TCEA2: variants seen among roughly 807,000 people sequenced by gnomAD.
TCEA2 encodes the protein transcription elongation factor A2.
TCEA2 carries 21 observed loss-of-function variants against 40.8 expected under a neutral mutation model. The ratio of observed to expected loss-of-function variants is 0.51; its 90% CI spans 0.36 to 0.74. The LOEUF (loss-of-function observed/expected upper bound fraction) is 0.74, where lower values mean the gene tolerates loss of function less well. TCEA2 is among the 30% of genes least tolerant of loss of function. TCEA2 has a pLI of 0.00. For synonymous variants in TCEA2, 165 were observed against 162.7 expected (o/e 1.01, Z -0.11); for missense variants, 326 against 426.5 (o/e 0.76, Z 2.08).
At chr20:64,068,000 C>A in intron 3 of TCEA2, 47 bp from the exon 4 acceptor site, 1 of 1,468,778 alleles carries the variant, frequency 6.8e-7, no homozygotes. Context: ...TGTGCCCCTC[C>A]CTCCTCTGCC....
At chr20:64,067,589 C>T (rs2059726082) in intron 3 of TCEA2, among the ~76,000 whole-genome samples, 1 of 152,180 alleles carries the variant, frequency 6.6e-6, no homozygotes, top group Admixed American at 6.5e-5. Flanking sequence ...GCTCTGTCCA[C>T]ACCCTTGTGA....
chr20:64,066,472 C>T lies in TCEA2; in HGVS notation c.73-4C>T. 1.9e-6 allele frequency: 3 copies of T among 1,613,794 alleles called. No individual in the cohort carries two copies. Among genetic ancestry groups the T allele is most frequent in the Non-Finnish European group, 2.5e-6 (3 of 1,179,808 alleles). ...CTTTATGAAGGTCCTCCTTCTCCTT[C>T]CAGGAGGGAGCCATGGATTTGCTGC... On this transcript the variant is annotated splice_region_variant and splice_polypyrimidine_tract_variant and intron_variant, in intron 1 of 9. Coordinates refer to ENST00000343484, the MANE Select transcript of TCEA2 (RefSeq NM_003195.6).
In TCEA2 at chr20:64,070,645, C is replaced by T. The variant is rs113315914; in HGVS notation, c.819+10C>T. ...CTGCACCTACACACAGGTGAGCGGC[C>T]GCTGGGCACCCTCCCCCGGGCCCGG... On this transcript the variant is annotated intron_variant, in intron 8 of 9. Coordinates refer to ENST00000343484, the MANE Select transcript of TCEA2 (RefSeq NM_003195.6). 3,111 of 1,549,474 alleles carry T rather than the reference C, an allele frequency of 2.0e-3. 45 individuals carry two copies. The African/African-American group carries it at 0.032, about 16-fold the overall frequency.
At chr20:64,070,448 C>G (rs1429862238) in intron 7 of TCEA2, 34 bp downstream of exon 7, 15 of 1,613,672 alleles carry the variant, frequency 9.3e-6, no homozygotes, top group Non-Finnish European at 1.1e-5. Flanking sequence ...GAGGGCTGCT[C>G]CCTCGGAGCG....
At chr20:64,055,796 C>T (rs963113359), upstream of TCEA2, among the ~76,000 whole-genome samples, 16 of 152,052 alleles carry the variant, frequency 1.1e-4, no homozygotes, top group African/African-American at 3.1e-4. The surrounding 1 kb of genome is among the most constrained non-coding windows in gnomAD (Gnocchi z 4.0). Context: ...TCTGCCGCGG[C>T]GGGAGCCTGG....
chr20:64,063,167 G>A, upstream of TCEA2: 2 of 664,756 alleles, frequency 3.0e-6, no homozygotes, highest in Non-Finnish European at 4.1e-6. Flanking sequence ...CGGCCGCGGG[G>A]CCGAGGGTTT....
chr20:64,069,935 C>T, intron 6 of TCEA2, 114 bp downstream of exon 6: 1 of 1,347,418 alleles, frequency 7.4e-7, no homozygotes, highest in Non-Finnish European at 1.0e-6. Context: ...CAGGGGTCAC[C>T]TGCCTGGGTG....
chr20:64,069,422 G>A lies in TCEA2; in HGVS notation c.391G>A (p.Val131Met). 7 of 1,613,094 alleles carry A rather than the reference G, an allele frequency of 4.3e-6. No individual in the cohort carries two copies. The Admixed American group carries it at 5.0e-5, about 12-fold the overall frequency. The change falls in exon 5 of 10, where the codon GTG becomes ATG. Residue 131 changes from valine (V) to methionine (M), a missense_variant. Coordinates refer to ENST00000343484, the MANE Select transcript of TCEA2 (RefSeq NM_003195.6). ...STPRITTFPP[V>M]PVTCDAVRNK... ...TCCGAGGATCACCACATTTCCTCCG[G>A]TGCCTGTCACCTGTGATGCCGTGCG...
intron 2 of TCEA2, 147 bp downstream of exon 2, chr20:64,066,685 C>T: frequency 2.0e-6 from 2 of 975,814 alleles, no homozygotes; most frequent in South Asian, 3.1e-5. Flanking sequence ...AGGGTCTCTG[C>T]CTTTCTCTGG....
At chr20:64,069,257 T>G (rs2059768146) in intron 4 of TCEA2, 104 bp from the exon 5 acceptor site, 1 of 1,438,266 alleles carries the variant, frequency 7.0e-7, no homozygotes, top group Non-Finnish European at 9.2e-7. Context: ...CAAGCAGGGG[T>G]TGGTGGGGGA....
In TCEA2 at chr20:64,070,252, A is replaced by T; in HGVS notation, c.518-8A>T. On this transcript the variant is annotated splice_region_variant and splice_polypyrimidine_tract_variant and intron_variant, in intron 6 of 9. Transcript: ENST00000343484. ...TTGTCCTCAGGTGGGTCCTTAAAAC[A>T]CTTGCACGCATCTTCCGGGACGTTG... The T allele has an allele frequency of 6.2e-7, 1 of 1,614,040 alleles. No homozygotes were observed. The highest frequency in any genetic ancestry group is 8.5e-7 in the Non-Finnish European group (1 of 1,179,940).
At position 64,072,212 on chromosome 20, in the gene TCEA2, C is replaced by T. The variant is rs776349310; in HGVS notation, c.*32C>T. 1.2e-6 allele frequency: 2 copies of T among 1,604,596 alleles called. No homozygotes were observed. Among genetic ancestry groups the T allele is most frequent in the South Asian group, 2.2e-5 (2 of 90,706 alleles). On this transcript the variant is annotated 3_prime_UTR_variant, in exon 10 of 10. Coordinates refer to ENST00000343484, the MANE Select transcript of TCEA2 (RefSeq NM_003195.6). Reference sequence around the variant, plus strand: ...GTGTAGATGTGCTGCAGCCTTGGGCCCTCCCCGGCCCACGTCCTCCGTTGA... The same window carrying T: ...GTGTAGATGTGCTGCAGCCTTGGGCTCTCCCCGGCCCACGTCCTCCGTTGA...
chr20:64,070,605 G>T lies in TCEA2; in HGVS notation c.789G>T (p.Lys263Asn), dbSNP rs776381249. 6.2e-7 allele frequency: 1 copy of T among 1,610,790 alleles called. No homozygotes were observed. Among genetic ancestry groups the T allele is most frequent in the Non-Finnish European group, 8.5e-7 (1 of 1,178,676 alleles). ...AGACAGACCTGTTCACCTGCGGCAA[G>T]TGCAGGAAAAAGAACTGCACCTACA... ...GTQTDLFTCG[K>N]CRKKNCTYTQ... Residue 263 changes from lysine (K) to asparagine (N), a missense_variant, in exon 8 of 10, where the codon AAG (lysine) becomes AAT (asparagine). By Grantham distance (94) the Lys-to-Asn change is moderately conservative (BLOSUM62 0). Transcript: ENST00000343484.
chr20:64,071,348 T>TA (rs1250251990), intron 8 of TCEA2, among the ~76,000 whole-genome samples: 2,638 of 141,214 alleles, frequency 0.019, 69 homozygotes, highest in African/African-American at 0.06. Flanking sequence ...ACTCCGTCTT[T>TA]AAAAAAAAAA....
chr20:64,070,543 A>T lies in TCEA2; in HGVS notation c.727A>T (p.Ile243Phe). ...CCGTAAGGCCATGACCAAGGAGGCC[A>T]TCCGAGAGCACCAGATGGCCCGCAC... The part of the protein sequence containing the change: ...EIRKAMTKEA[I>F]REHQMARTGG... The change falls in exon 8 of 10, where the codon ATC becomes TTC. Residue 243 changes from isoleucine to phenylalanine, a missense_variant. Transcript: ENST00000343484. 2 of 1,613,900 alleles carry T rather than the reference A, an allele frequency of 1.2e-6. No homozygotes were observed. The highest frequency in any genetic ancestry group is 1.7e-6 in the Non-Finnish European group (2 of 1,180,022).
Position 64,063,337 on chromosome 20 carries a change from G to T in TCEA2, c.25G>T (p.Ala9Ser). Residue 9 changes from alanine (A) to serine (S), a missense_variant, in exon 1 of 10, where the codon GCG becomes TCG. Coordinates refer to ENST00000343484, the MANE Select transcript of TCEA2 (RefSeq NM_003195.6). ...GATGATGGGCAAGGAAGAGGAGATT[G>T]CGCGGATCGCCCGGAGGCTGGACAA... is the stretch of plus-strand genomic sequence containing the variant. MMGKEEEI[A>S]RIARRLDKMV... The T allele has an allele frequency of 6.5e-7, 1 of 1,549,498 alleles. No homozygotes were observed. The highest frequency in any genetic ancestry group is 8.7e-7 in the Non-Finnish European group (1 of 1,147,246).
chr20:64,070,217 G>T lies in TCEA2; in HGVS notation c.518-43G>T, dbSNP rs776966736. The T allele has an allele frequency of 1.7e-5, 27 of 1,605,692 alleles. No individual in the cohort carries two copies. In the South Asian group the frequency reaches 2.6e-4, roughly 15 times the overall value. ...CCAGCGGGGCAGGTGGTAGGTGGAGGGCAGCGACGTTGTCCTCAGGTGGGT... is the reference window on the plus strand; with the variant it reads ...CCAGCGGGGCAGGTGGTAGGTGGAGTGCAGCGACGTTGTCCTCAGGTGGGT... On this transcript the variant is annotated intron_variant, in intron 6 of 9. Transcript: ENST00000343484.
chr20:64,071,811 G>A, intron 8 of TCEA2, 59 bp from the exon 9 acceptor site: 1 of 1,596,172 alleles, frequency 6.3e-7, no homozygotes, highest in Admixed American at 1.7e-5. Flanking sequence ...CATGTTGAGG[G>A]GATGCCGTCT....
chr20:64,069,686 T>G, intron 5 of TCEA2, 79 bp from the exon 6 acceptor site: 1 of 1,563,190 alleles, frequency 6.4e-7, no homozygotes, highest in Non-Finnish European at 8.7e-7. Flanking sequence ...CCCTCTAAGC[T>G]GCCAGGGTGT....
Sources: allele counts gnomAD v4.1 joint callset (sites outside exome capture counted in the v4.1 genomes callset), GRCh38; gene constraint gnomAD v4.1.1; non-coding constraint Gnocchi (gnomAD v3.1); transcripts MANE v1.5; gene names NCBI Gene and HGNC (gene_info 2026-07-23, HGNC 2026-07-21).